The following PLEKHG1 variants were observed in gnomAD, a reference collection of about 807,000 sequenced individuals.
The protein encoded by PLEKHG1 is pleckstrin homology domain-containing family G member 1.
A neutral mutation model predicts 100.8 loss-of-function variants in PLEKHG1; 44 were observed. That is an observed-to-expected ratio of 0.44 (90% CI 0.34 to 0.56). PLEKHG1 has a LOEUF of 0.56. PLEKHG1 is among the 20% of genes least tolerant of loss of function. PLEKHG1 has a pLI of 0.01. For synonymous variants in PLEKHG1, 640 were observed against 662.5 expected, an observed-to-expected ratio of 0.97 and a Z score of 0.52; for missense variants, 1,545 against 1,720.9, an observed-to-expected ratio of 0.90 and a Z score of 1.81.
intron 3 of PLEKHG1, among the ~76,000 whole-genome samples, chr6:150,697,052 G>A (rs9322278): frequency 0.9 from 136,440 of 151,210 alleles, 61,750 homozygotes; most frequent in Non-Finnish European, 0.94. Flanking sequence ...AGCCAAGATG[G>A]TACCACTGCA....
intron 14 of PLEKHG1, among the ~76,000 whole-genome samples, chr6:150,824,054 C>T (rs1776451868): frequency 6.6e-6 from 1 of 152,214 alleles, no homozygotes; most frequent in Non-Finnish European, 1.5e-5. Flanking sequence ...CTGGATATAA[C>T]TCCCTCCTCC....
chr6:150,604,161 A>G (rs1776489170), intron 1 of PLEKHG1, among the ~76,000 whole-genome samples: 1 of 152,248 alleles, frequency 6.6e-6, no homozygotes, highest in African/African-American at 2.4e-5. Context: ...CATGAGTCTA[A>G]TAACAGCTAA....
rs1387277774 is a variant in PLEKHG1 at position 150,764,590 on chromosome 6, C to T, written c.412-4048C>T. On this transcript the variant is annotated intron_variant, in intron 2 of 15. Transcript: ENST00000358517. ...TCTGTGTGTTTAGGCGCACGCCCTG[C>T]TCTGTCCAGCTGGTCTCAACCCTGA... 2.6e-5 allele frequency among the ~76,000 whole-genome samples: 4 copies of T among 152,210 alleles called. No homozygotes were observed. In the East Asian group the frequency reaches 7.7e-4, roughly 29 times the overall value.
intron 7 of PLEKHG1, among the ~76,000 whole-genome samples, chr6:150,807,716 A>G (rs9478138): frequency 0.12 from 18,047 of 152,180 alleles, 1,526 homozygotes; most frequent in East Asian, 0.24. Context: ...GCTCACACCT[A>G]TAATCCCAGC....
At chr6:150,830,481 G>A (rs1342707982) in intron 14 of PLEKHG1, 101 bp from the exon 16 acceptor site, 4 of 807,060 alleles carry the variant, frequency 5.0e-6, no homozygotes, top group Non-Finnish European at 7.9e-6. Context: ...GAATATTAAA[G>A]CCTAGTGGGG....
chr6:150,610,674 G>A (rs1437223209), intron 1 of PLEKHG1, among the ~76,000 whole-genome samples: 3 of 152,290 alleles, frequency 2.0e-5, no homozygotes, highest in East Asian at 3.9e-4. Flanking sequence ...ACCCACTAGA[G>A]CAATCCAACA....
Position 150,818,755 on chromosome 6 carries a change from A to G in PLEKHG1, c.1312+539A>G, listed in dbSNP as rs541796411. Among the ~76,000 whole-genome samples the G allele has an allele frequency of 3.9e-5, 6 of 152,360 alleles. No individual in the cohort carries two copies. In the East Asian group the frequency reaches 1.2e-3, roughly 29 times the overall value. ...GACCTTATTCAACAGCAGTTATCAC[A>G]TCTTTGTTATTTTTCAGATTAAATA... On this transcript the variant is annotated intron_variant, in intron 11 of 15. Coordinates refer to ENST00000358517, the Ensembl canonical transcript of PLEKHG1.
At chr6:150,666,733 C>T (rs1055243618) in intron 3 of PLEKHG1, among the ~76,000 whole-genome samples, 3 of 151,974 alleles carry the variant, frequency 2.0e-5, no homozygotes, top group Non-Finnish European at 4.4e-5. Context: ...TAGCTTCATA[C>T]AGTTGCCATC....
rs200794388 is a variant in PLEKHG1, at chr6:150,765,496, AG to A, written c.412-3141del. ...GTGACAGAGTGAGACTCTGTCTCAAAGAAAAAAAAAAATTTAATGTGATATC... is the reference window on the plus strand; with the variant it reads ...GTGACAGAGTGAGACTCTGTCTCAAAAAAAAAAAAAATTTAATGTGATATC... On this transcript the variant is annotated intron_variant, in intron 2 of 15. Coordinates refer to ENST00000358517, the Ensembl canonical transcript of PLEKHG1. Among the ~76,000 whole-genome samples, 16 of 151,922 alleles carry A rather than the reference AG, an allele frequency of 1.1e-4. 1 individual carries two copies. Among genetic ancestry groups the A allele is most frequent in the African/African-American group, 3.6e-4 (15 of 41,304 alleles).
At chr6:150,611,606 G>A (rs1050290506) in intron 1 of PLEKHG1, among the ~76,000 whole-genome samples, 1 of 152,190 alleles carries the variant, frequency 6.6e-6, no homozygotes, top group African/African-American at 2.4e-5. Flanking sequence ...GAGGTCAGGA[G>A]TTCAAGACCA....
At chr6:150,757,907 T>C (rs112207101) in intron 2 of PLEKHG1, among the ~76,000 whole-genome samples, 7,506 of 152,160 alleles carry the variant, frequency 0.049, 376 homozygotes, top group East Asian at 0.23. Flanking sequence ...CCTGTGTCCA[T>C]GTGTTGTTCA....
intron 1 of PLEKHG1, among the ~76,000 whole-genome samples, chr6:150,627,883 G>C (rs554842618): frequency 1.3e-5 from 2 of 152,264 alleles, no homozygotes; most frequent in African/African-American, 2.4e-5. Context: ...AGATTACATA[G>C]ATAATAATAA....
chr6:150,609,128 A>T (rs1475360889), intron 1 of PLEKHG1, among the ~76,000 whole-genome samples: 1 of 152,198 alleles, frequency 6.6e-6, no homozygotes. Context: ...TTTTTGCTTG[A>T]CTGTAGTAGA....
At chr6:150,691,127 A>G (rs541722412) in intron 3 of PLEKHG1, among the ~76,000 whole-genome samples, 2 of 152,248 alleles carry the variant, frequency 1.3e-5, no homozygotes, top group East Asian at 3.9e-4. Context: ...TGTTTGACTT[A>G]TTTCACTTGG....
At chr6:150,641,915 CT>C (rs1778284130) in intron 2 of PLEKHG1, among the ~76,000 whole-genome samples, 3 of 135,534 alleles carry the variant, frequency 2.2e-5, no homozygotes, top group Admixed American at 7.6e-5. Flanking sequence ...AGGAAATTAC[CT>C]TTCTAAATAG....
chr6:150,831,524 G>C lies in PLEKHG1; in HGVS notation c.2413G>C (p.Asp805His). Residue 805 changes from aspartate to histidine, a missense_variant, in exon 15 of 16, where the codon GAT becomes CAT. Asp to His is a moderately conservative substitution (Grantham distance 81). Coordinates refer to ENST00000358517, the Ensembl canonical transcript of PLEKHG1. The surrounding 1 kb of genome is among the most constrained non-coding windows in gnomAD (Gnocchi z 4.1). Reference sequence around the variant, plus strand: ...AGCCCCTTACCATCAGGCCACTCCCGATCATGGTTATCTGAGTTTGCTGTA... The same window carrying C: ...AGCCCCTTACCATCAGGCCACTCCCCATCATGGTTATCTGAGTTTGCTGTA... 2 of 1,614,080 alleles carry C rather than the reference G, an allele frequency of 1.2e-6. No homozygotes were observed. Among genetic ancestry groups the C allele is most frequent in the Non-Finnish European group, 1.7e-6 (2 of 1,179,980 alleles).
At chr6:150,768,676 C>G (rs771725791) in exon 3 of PLEKHG1, 1 of 1,613,002 alleles carries the variant, frequency 6.2e-7, no homozygotes, top group African/African-American at 1.3e-5. Flanking sequence ...CAAAACTTCC[C>G]CTGGGGACCG....
intron 13 of PLEKHG1, among the ~76,000 whole-genome samples, chr6:150,823,242 A>G: frequency 6.6e-6 from 1 of 152,226 alleles, no homozygotes; most frequent in East Asian, 1.9e-4. Flanking sequence ...CTTCTTTGCA[A>G]GAAGGCTGCA....
At chr6:150,771,881 A>G (rs762186950) in intron 3 of PLEKHG1, among the ~76,000 whole-genome samples, 49 of 152,212 alleles carry the variant, frequency 3.2e-4, no homozygotes, top group Admixed American at 1.8e-3. Flanking sequence ...AGATTTCCAA[A>G]ATACAGAAAA....
Sources: allele counts gnomAD v4.1 joint callset (sites outside exome capture counted in the v4.1 genomes callset), GRCh38; gene constraint gnomAD v4.1.1; non-coding constraint Gnocchi (gnomAD v3.1); transcripts MANE v1.5; gene names NCBI Gene and HGNC (gene_info 2026-07-23, HGNC 2026-07-21).